Variants in CALCOCO2 observed in about 807,000 individuals in gnomAD.
CALCOCO2 encodes the protein calcium-binding and coiled-coil domain-containing protein 2.
Under a neutral mutation model 62.5 loss-of-function variants are expected in CALCOCO2, and 42 were observed. The ratio of observed to expected loss-of-function variants is 0.67; its 90% CI spans 0.53 to 0.87. The LOEUF (loss-of-function observed/expected upper bound fraction) is 0.87, where lower values mean the gene tolerates loss of function less well. Among genes scored for constraint, CALCOCO2 ranks in the 40% least tolerant of loss-of-function variants. CALCOCO2 has a pLI of 0.00. For synonymous variants in CALCOCO2, 167 were observed against 173.0 expected (o/e 0.97, Z 0.27); for missense variants, 456 against 515.0 (o/e 0.89, Z 1.11).
intron 5 of CALCOCO2, 155 bp from the exon 6 acceptor site, chr17:48,850,934 G>C: frequency 2.5e-6 from 1 of 400,832 alleles, no homozygotes. Flanking sequence ...AAAAAAAAAA[G>C]AACATTTTCC....
At chr17:48,850,944 C>A (rs879011804) in intron 5 of CALCOCO2, 145 bp from the exon 6 acceptor site, 1 of 534,518 alleles carries the variant, frequency 1.9e-6, no homozygotes, top group Non-Finnish European at 3.4e-6. Flanking sequence ...GAACATTTTC[C>A]TTTTATTTGA....
At chr17:48,847,550 A>G (rs2040068665) in intron 2 of CALCOCO2, among the ~76,000 whole-genome samples, 2 of 152,202 alleles carry the variant, frequency 1.3e-5, no homozygotes, top group South Asian at 2.1e-4. Flanking sequence ...TGTATCAGAC[A>G]TTTTCCCATA....
At chr17:48,840,081 G>A (rs1357666848) in intron 1 of CALCOCO2, among the ~76,000 whole-genome samples, 3 of 152,106 alleles carry the variant, frequency 2.0e-5, no homozygotes, top group Admixed American at 6.6e-5. Flanking sequence ...GAACAGCTAG[G>A]ACTACAGGCA....
At chr17:48,834,347 C>A (rs2039861102) in intron 1 of CALCOCO2, among the ~76,000 whole-genome samples, 1 of 152,050 alleles carries the variant, frequency 6.6e-6, no homozygotes, top group African/African-American at 2.4e-5. Flanking sequence ...GGCCCTAATC[C>A]TTTTGGAAAC....
At chr17:48,862,800 G>C in intron 12 of CALCOCO2, 38 bp from the exon 13 acceptor site, 1 of 1,584,258 alleles carries the variant, frequency 6.3e-7, no homozygotes, top group Non-Finnish European at 8.7e-7. Context: ...GCCACATATA[G>C]CTTACATTTG....
At chr17:48,858,306 CTTTTT>C (rs1567759816) in intron 10 of CALCOCO2, among the ~76,000 whole-genome samples, 1 of 151,818 alleles carries the variant, frequency 6.6e-6, no homozygotes, top group East Asian at 1.9e-4. Flanking sequence ...CCCATTCTCT[CTTTTT>C]TGTTTTGTTT....
chr17:48,831,580 C>T (rs931423539), intron 1 of CALCOCO2: 3 of 152,248 alleles, frequency 2.0e-5, no homozygotes, highest in Non-Finnish European at 1.5e-5. Context: ...AGCGCCTTGC[C>T]TTTTGCATGC....
intron 2 of CALCOCO2, chr17:48,842,645 T>TC (rs1375722717): frequency 2.4e-5 from 2 of 83,432 alleles, no homozygotes; most frequent in Non-Finnish European, 4.5e-5. Context: ...CTGATTTCTT[T>TC]CTTTTTTTTT....
intron 1 of CALCOCO2, among the ~76,000 whole-genome samples, chr17:48,838,341 G>A (rs967888806): frequency 2.0e-5 from 3 of 152,040 alleles, no homozygotes; most frequent in African/African-American, 4.8e-5. Context: ...AGGGTGTGGC[G>A]CCGGGCTGTC....
At chr17:48,835,049 G>A (rs201114621) in intron 1 of CALCOCO2, among the ~76,000 whole-genome samples, 33 of 108,894 alleles carry the variant, frequency 3.0e-4, no homozygotes, top group African/African-American at 1.7e-3. Context: ...CTGCCCCCCC[G>A]CAAAAAAAAT....
chr17:48,832,353 C>T (rs1040146397), intron 1 of CALCOCO2, among the ~76,000 whole-genome samples: 5 of 152,214 alleles, frequency 3.3e-5, no homozygotes, highest in African/African-American at 1.2e-4. Context: ...GAGATGGCGC[C>T]ACTGCACTCC....
rs2040341045 is a variant in CALCOCO2, at chr17:48,862,322, G to C, written c.1173+18G>C. ...CCAGCCCGGTAAGTATTTGATTCAT[G>C]AGAATATTCCCACAAAGCACTTGAA... On this transcript the variant is annotated intron_variant, in intron 12 of 12. Transcript: ENST00000258947. The C allele has an allele frequency of 6.4e-7, 1 of 1,553,772 alleles. No homozygotes were observed. Among genetic ancestry groups the C allele is most frequent in the African/African-American group, 1.4e-5 (1 of 73,538 alleles).
intron 10 of CALCOCO2, among the ~76,000 whole-genome samples, chr17:48,858,749 T>G (rs2040280775): frequency 6.6e-6 from 1 of 151,896 alleles, no homozygotes; most frequent in South Asian, 2.1e-4. Flanking sequence ...GATTTGGTAT[T>G]TGGAAGCTTT....
rs185262043 is a variant in CALCOCO2 at position 48,853,224 on chromosome 17, T to C, written c.912+212T>C. The C allele has an allele frequency of 9.6e-5, 48 of 497,822 alleles. No individual in the cohort carries two copies. The East Asian group carries it at 1.6e-3, about 17-fold the overall frequency. The allele number at this position is 497,822 out of a possible 1,614,324, so 30.8% of individuals were successfully genotyped here. A position where few individuals can be genotyped will look rare whatever the true frequency, so the allele number is the denominator to read the frequency against. Reference sequence around the variant, plus strand: ...ATATGTGATAAGTAATAAAGGAATATTGCAAGTTAAACTTCATGACAAGAT... The same window carrying C: ...ATATGTGATAAGTAATAAAGGAATACTGCAAGTTAAACTTCATGACAAGAT... On this transcript the variant is annotated intron_variant, in intron 9 of 12. Transcript: ENST00000258947.
Position 48,858,041 on chromosome 17 carries a change from A to G in CALCOCO2, c.1008+1854A>G, listed in dbSNP as rs1217363099. On this transcript the variant is annotated intron_variant, in intron 10 of 12. Transcript: ENST00000258947. ...ATAGAATAGAATAGAATAGAATAGA[A>G]TAGAAAATAGAATAGAATAGAATAG... is the stretch of plus-strand genomic sequence containing the variant. Among the ~76,000 whole-genome samples, 100 of 12,494 alleles carry G rather than the reference A, an allele frequency of 8.0e-3. 1 individual carries two copies. Among genetic ancestry groups the G allele is most frequent in the Admixed American group, 0.051 (55 of 1,078 alleles). 8.2% of individuals were successfully genotyped at this position (12,494 alleles called of 152,430 possible). A position where few individuals can be genotyped will look rare whatever the true frequency, so the allele number is the denominator to read the frequency against.
intron 5 of CALCOCO2, among the ~76,000 whole-genome samples, chr17:48,850,439 A>ATG (rs1157107321): frequency 6.6e-6 from 1 of 152,218 alleles, no homozygotes; most frequent in African/African-American, 2.4e-5. Context: ...CCTGAGCAAC[A>ATG]GAGCAAGACT....
chr17:48,860,883 G>A (rs1350134010), intron 11 of CALCOCO2, among the ~76,000 whole-genome samples: 2 of 152,106 alleles, frequency 1.3e-5, no homozygotes, highest in South Asian at 2.1e-4. Flanking sequence ...GAGACTCCTC[G>A]ATGGTAGGAC....
chr17:48,846,727 T>C (rs1417648958), intron 2 of CALCOCO2, among the ~76,000 whole-genome samples: 1 of 152,196 alleles, frequency 6.6e-6, no homozygotes, highest in Non-Finnish European at 1.5e-5. Flanking sequence ...CCTAGGATGT[T>C]CTGATGAGTT....
intron 2 of CALCOCO2, chr17:48,845,909 G>A (rs2040046730): frequency 9.2e-6 from 4 of 436,414 alleles, no homozygotes; most frequent in Non-Finnish European, 4.0e-6. Context: ...CAAACCTCTG[G>A]TTTTTCCTCC....
Sources: allele counts gnomAD v4.1 joint callset (sites outside exome capture counted in the v4.1 genomes callset), GRCh38; gene constraint gnomAD v4.1.1; transcripts MANE v1.5; gene names NCBI Gene and HGNC (gene_info 2026-07-23, HGNC 2026-07-21).